Variants in RBFOX1 observed in about 807,000 individuals in gnomAD.
RBFOX1 encodes the protein RNA binding fox-1 homolog 1.
RBFOX1 carries 8 observed loss-of-function variants against 57.7 expected under a neutral mutation model. The observed-to-expected ratio is 0.14, with a 90% CI of 0.08 to 0.25. The LOEUF is 0.25. RBFOX1 is among the 10% of genes least tolerant of loss of function. The pLI is 1.00. For synonymous variants in RBFOX1, 326 were observed against 222.4 expected (o/e 1.47, Z -4.15); for missense variants, 611 against 548.5 (o/e 1.11, Z -1.14).
chr16:5,867,978 C>T (rs1233750996), intron 4 of RBFOX1, among the ~76,000 whole-genome samples: 1 of 152,134 alleles, frequency 6.6e-6, no homozygotes, highest in Non-Finnish European at 1.5e-5. Flanking sequence ...TCCTAAAATG[C>T]AGGGATTATA....
intron 1 of RBFOX1, among the ~76,000 whole-genome samples, chr16:5,345,615 G>C (rs2065122875): frequency 6.6e-6 from 1 of 152,206 alleles, no homozygotes; most frequent in Non-Finnish European, 1.5e-5. Context: ...TAATTATTGA[G>C]TCTGCATTTG....
rs959570872 is a variant in RBFOX1 at position 6,415,011 on chromosome 16, G to A, written c.-64+97954G>A. ...TAATCCCAGCACTTTGGAAGGCCAA[G>A]ACAGGCGGATCACCTGAGGTCAGGA... On this transcript the variant is annotated intron_variant, in intron 2 of 15. Coordinates refer to ENST00000550418, the MANE Select transcript of RBFOX1 (RefSeq NM_018723.4). Among the ~76,000 whole-genome samples, 3 of 152,040 alleles carry A rather than the reference G, an allele frequency of 2.0e-5. No individual in the cohort carries two copies. In the East Asian group the frequency reaches 5.8e-4, roughly 29 times the overall value.
At chr16:6,838,061 G>T (rs1470750352) in intron 3 of RBFOX1, among the ~76,000 whole-genome samples, 1 of 151,494 alleles carries the variant, frequency 6.6e-6, no homozygotes, top group Non-Finnish European at 1.5e-5. Context: ...TGCAGAACAT[G>T]CAGGTTTGTT....
At chr16:5,635,335 C>A (rs763938066) in intron 3 of RBFOX1, among the ~76,000 whole-genome samples, 1 of 152,208 alleles carries the variant, frequency 6.6e-6, no homozygotes, top group Non-Finnish European at 1.5e-5. Context: ...AATATGCAGC[C>A]TCCTAGCCTG....
At chr16:7,108,531 G>T (rs553893979) in intron 4 of RBFOX1, among the ~76,000 whole-genome samples, 9 of 152,248 alleles carry the variant, frequency 5.9e-5, no homozygotes, top group African/African-American at 1.9e-4. Context: ...CTGAGTATAT[G>T]GTGGTGCAGA....
In RBFOX1 at chr16:6,332,968, T is replaced by C. The variant is rs150264719; in HGVS notation, c.-64+15911T>C. ...AACAGATCATAATCATTATTTAATATCTTACTGAGAGTTTTGATTGTATTT... is the reference window on the plus strand; with the variant it reads ...AACAGATCATAATCATTATTTAATACCTTACTGAGAGTTTTGATTGTATTT... On this transcript the variant is annotated intron_variant, in intron 2 of 15. Coordinates refer to ENST00000550418, the MANE Select transcript of RBFOX1 (RefSeq NM_018723.4). Among the ~76,000 whole-genome samples the C allele has an allele frequency of 2.8e-4, 43 of 152,342 alleles. No homozygotes were observed. In the East Asian group the frequency reaches 7.7e-3, roughly 27 times the overall value.
intron 4 of RBFOX1, among the ~76,000 whole-genome samples, chr16:7,171,658 C>T (rs1041107103): frequency 6.6e-6 from 1 of 152,152 alleles, no homozygotes; most frequent in Admixed American, 6.5e-5. Flanking sequence ...TTCACCATGC[C>T]AGAAGGGCCA....
chr16:7,279,913 C>G (rs929292996), intron 4 of RBFOX1, among the ~76,000 whole-genome samples: 26 of 152,196 alleles, frequency 1.7e-4, no homozygotes, highest in African/African-American at 6.3e-4. Flanking sequence ...TGGTCCTGAT[C>G]AGGTATGACC....
intron 1 of RBFOX1, among the ~76,000 whole-genome samples, chr16:6,202,765 A>G (rs1473313410): frequency 6.6e-6 from 1 of 151,968 alleles, no homozygotes; most frequent in Non-Finnish European, 1.5e-5. Context: ...TCTTTATGTA[A>G]TTTATTTTTT....
intron 2 of RBFOX1, among the ~76,000 whole-genome samples, chr16:5,578,167 G>A (rs2046532401): frequency 6.6e-6 from 1 of 152,136 alleles, no homozygotes; most frequent in Non-Finnish European, 1.5e-5. Flanking sequence ...GGCCATGATG[G>A]TTTTGATCTC....
chr16:6,078,890 G>A (rs1486727176), intron 1 of RBFOX1, among the ~76,000 whole-genome samples: 1 of 152,196 alleles, frequency 6.6e-6, no homozygotes, highest in African/African-American at 2.4e-5. Flanking sequence ...GTGCATGGTG[G>A]ATCTTGTTAA....
chr16:6,312,603 CTGAG>C (rs1373826519), intron 1 of RBFOX1, among the ~76,000 whole-genome samples: 1 of 152,070 alleles, frequency 6.6e-6, no homozygotes, highest in Non-Finnish European at 1.5e-5. Context: ...TTTGGGGAGG[CTGAG>C]TGTGTCTAAA....
At chr16:7,308,622 A>G (rs1055307319) in intron 4 of RBFOX1, among the ~76,000 whole-genome samples, 9 of 152,192 alleles carry the variant, frequency 5.9e-5, no homozygotes, top group Admixed American at 3.3e-4. Flanking sequence ...ACAAAGGGTA[A>G]TTCCCAGTAA....
chr16:6,777,349 A>G (rs932385344), intron 3 of RBFOX1, among the ~76,000 whole-genome samples: 2 of 152,140 alleles, frequency 1.3e-5, no homozygotes, highest in Non-Finnish European at 2.9e-5. Flanking sequence ...GATGATGTTT[A>G]AGTTAACTCT....
chr16:5,454,919 GTTTC>G (rs1193215857), intron 1 of RBFOX1, among the ~76,000 whole-genome samples: 640 of 36,578 alleles, frequency 0.017, 16 homozygotes, highest in African/African-American at 0.04. Context: ...TCTTTCCTTT[GTTTC>G]TTTCTTCCTT....
intron 2 of RBFOX1, among the ~76,000 whole-genome samples, chr16:6,536,899 G>T (rs1456332965): frequency 1.3e-5 from 2 of 152,074 alleles, no homozygotes; most frequent in Admixed American, 1.3e-4. Context: ...TGGAGAAGAG[G>T]ATATGACATA....
intron 2 of RBFOX1, among the ~76,000 whole-genome samples, chr16:5,480,235 A>G (rs2069479688): frequency 6.6e-6 from 1 of 152,176 alleles, no homozygotes; most frequent in African/African-American, 2.4e-5. Flanking sequence ...TGTGTGTTGA[A>G]GCTTTTGACC....
intron 2 of RBFOX1, among the ~76,000 whole-genome samples, chr16:6,602,103 C>A (rs2097860273): frequency 6.6e-6 from 1 of 152,072 alleles, no homozygotes; most frequent in African/African-American, 2.4e-5. Flanking sequence ...TGTTTATTGG[C>A]CATTTGTCTG....
intron 4 of RBFOX1, among the ~76,000 whole-genome samples, chr16:5,989,377 A>G (rs547535930): frequency 1.3e-5 from 2 of 152,230 alleles, no homozygotes; most frequent in South Asian, 4.2e-4. Context: ...AAACTTAATT[A>G]CAGGGGGTTT....
Sources: gnomAD v4.1 joint callset for allele counts (sites outside exome capture counted in the v4.1 genomes callset) on GRCh38, gnomAD v4.1.1 for gene constraint, MANE v1.5 for transcripts, NCBI Gene and HGNC (gene_info 2026-07-23, HGNC 2026-07-21) for gene names.